PRMT8: variants seen among roughly 807,000 people sequenced by gnomAD.
PRMT8 encodes protein arginine N-methyltransferase 8.
In PRMT8, 7 loss-of-function variants were observed where a neutral mutation model predicts 47.1. The ratio of observed to expected loss-of-function variants is 0.15; its 90% CI spans 0.08 to 0.28. The LOEUF is 0.28. Ranked by LOEUF, PRMT8 falls within the 10% of genes least tolerant of loss-of-function variation. PRMT8 has a pLI of 1.00. For synonymous variants in PRMT8, 188 were observed against 186.5 expected (o/e 1.01, Z -0.07); for missense variants, 237 against 505.4 (o/e 0.47, Z 5.09).
intron 2 of PRMT8, among the ~76,000 whole-genome samples, chr12:3,541,586 G>GA (rs1465750014): frequency 5.3e-5 from 8 of 152,086 alleles, no homozygotes; most frequent in African/African-American, 1.9e-4. Context: ...TACAGCATAA[G>GA]AAAAAATTGA....
upstream of PRMT8, among the ~76,000 whole-genome samples, chr12:3,489,374 C>T (rs368139975): frequency 3.0e-4 from 45 of 151,876 alleles, 1 homozygote; most frequent in African/African-American, 9.7e-4. Context: ...GGCAGAGTGT[C>T]GGACTGAAAG....
At chr12:3,433,221 A>G (rs967909307) in intron 1 of PRMT8, among the ~76,000 whole-genome samples, 2 of 152,232 alleles carry the variant, frequency 1.3e-5, no homozygotes, top group African/African-American at 4.8e-5. Context: ...TTCATGCATT[A>G]GTTAGCCTCC....
In PRMT8 at chr12:3,528,449, G is replaced by T. The variant is rs546555742; in HGVS notation, c.76-12157G>T. ...TCTAATCTGCTATTAACCTCAATCA[G>T]TGTATTTCCTTTTTATTTCACATAG... On this transcript the variant is annotated intron_variant, in intron 1 of 9. Transcript: ENST00000382622. 2.0e-5 allele frequency among the ~76,000 whole-genome samples: 3 copies of T among 152,106 alleles called. No individual in the cohort carries two copies. In the South Asian group the frequency reaches 6.2e-4, roughly 32 times the overall value.
intron 1 of PRMT8, among the ~76,000 whole-genome samples, chr12:3,457,994 C>G (rs1377097885): frequency 6.6e-6 from 1 of 152,084 alleles, no homozygotes; most frequent in African/African-American, 2.4e-5. Context: ...AGGCATGTGC[C>G]ATCATGCCCA....
At position 3,532,611 on chromosome 12, in the gene PRMT8, C is replaced by CAAAAA. The variant is rs35698030; in HGVS notation, c.76-7969_76-7965dup. On this transcript the variant is annotated intron_variant, in intron 1 of 9. Transcript: ENST00000382622. The stretch of plus-strand genomic sequence containing the variant: ...TGGGCGACAGAGTAAGACTCCGTCT[C>CAAAAA]AAAAAAAAAAAAAAAAAAAAAAAAA... Among the ~76,000 whole-genome samples, 19 of 24,658 alleles carry CAAAAA rather than the reference C, an allele frequency of 7.7e-4. 3 individuals carry two copies. The highest frequency in any genetic ancestry group is 1.3e-3 in the African/African-American group (8 of 5,950). The allele number at this position is 24,658 out of a possible 152,430, so 16.2% of individuals were successfully genotyped here.
intron 1 of PRMT8, among the ~76,000 whole-genome samples, chr12:3,506,015 ATAAC>A (rs1252849935): frequency 2.0e-5 from 3 of 152,156 alleles, no homozygotes; most frequent in Middle Eastern, 3.2e-3. Flanking sequence ...AGGACAATAA[ATAAC>A]TAAAACATGT....
chr12:3,528,694 G>T (rs1317391070), intron 1 of PRMT8, among the ~76,000 whole-genome samples: 1 of 151,166 alleles, frequency 6.6e-6, no homozygotes, highest in Non-Finnish European at 1.5e-5. Flanking sequence ...TTGCTTCTTT[G>T]CAAGCCTAGT....
chr12:3,577,994 C>G (rs914635573), intron 7 of PRMT8, among the ~76,000 whole-genome samples: 1 of 152,186 alleles, frequency 6.6e-6, no homozygotes, highest in African/African-American at 2.4e-5. Context: ...TGGGTTGCCT[C>G]TTCCAGTCCT....
At chr12:3,452,316 A>AAC (rs10630697) in intron 1 of PRMT8, among the ~76,000 whole-genome samples, 122,195 of 150,066 alleles carry the variant, frequency 0.81, 50,725 homozygotes, top group East Asian at 0.96. Flanking sequence ...ACCTAAATTA[A>AAC]ACACACACAC....
intron 1 of PRMT8, among the ~76,000 whole-genome samples, chr12:3,459,838 T>A (rs960513059): frequency 6.6e-5 from 10 of 152,268 alleles, no homozygotes; most frequent in Non-Finnish European, 1.5e-4. Context: ...GAGGCATCTT[T>A]AGAGCTGGGG....
At chr12:3,394,318 G>C (rs546092965) in intron 1 of PRMT8, among the ~76,000 whole-genome samples, 123 of 152,268 alleles carry the variant, frequency 8.1e-4, no homozygotes, top group African/African-American at 2.8e-3. Flanking sequence ...TCCAGTTTTT[G>C]CCCACTCAGT....
intron 1 of PRMT8, chr12:3,462,740 G>T (rs527316985): frequency 6.6e-6 from 1 of 151,982 alleles, no homozygotes; most frequent in Admixed American, 6.5e-5. Flanking sequence ...GGAAGTTGAA[G>T]TGCTTGGGAG....
At chr12:3,531,052 G>A (rs1866023721) in intron 1 of PRMT8, among the ~76,000 whole-genome samples, 1 of 152,186 alleles carries the variant, frequency 6.6e-6, no homozygotes, top group African/African-American at 2.4e-5. Flanking sequence ...CGGGTACAGG[G>A]AAAACTCCTC....
At chr12:3,513,072 G>C (rs1006283556) in intron 1 of PRMT8, among the ~76,000 whole-genome samples, 1 of 152,178 alleles carries the variant, frequency 6.6e-6, no homozygotes, top group African/African-American at 2.4e-5. Flanking sequence ...GGGGATCAAA[G>C]GGTTTGAGTG....
intron 1 of PRMT8, among the ~76,000 whole-genome samples, chr12:3,482,844 TAG>T (rs1376447344): frequency 6.6e-6 from 1 of 152,148 alleles, no homozygotes; most frequent in African/African-American, 2.4e-5. Flanking sequence ...CAGCCCATAA[TAG>T]TAGGTTTTAC....
chr12:3,491,884 GTGTGTTGGT>G (rs1865414299), intron 1 of PRMT8, among the ~76,000 whole-genome samples, 184 bp downstream of exon 1: 4 of 89,352 alleles, frequency 4.5e-5, no homozygotes, highest in Non-Finnish European at 4.8e-5. Context: ...GTGTGTGTGT[GTGTGTTGGT>G]GGGGGGTGGG....
chr12:3,578,141 C>T (rs1209406550), intron 7 of PRMT8, among the ~76,000 whole-genome samples: 1 of 152,180 alleles, frequency 6.6e-6, no homozygotes, highest in Non-Finnish European at 1.5e-5. Context: ...GAGACAGAAT[C>T]TCACTCTGTC....
chr12:3,390,686 A>G (rs1864184817), intron 1 of PRMT8, among the ~76,000 whole-genome samples: 4 of 152,230 alleles, frequency 2.6e-5, no homozygotes. Flanking sequence ...TTCTGAGCCC[A>G]CACTCCTAGC....
At chr12:3,420,541 G>C (rs1864530548) in intron 1 of PRMT8, among the ~76,000 whole-genome samples, 1 of 152,158 alleles carries the variant, frequency 6.6e-6, no homozygotes, top group Non-Finnish European at 1.5e-5. Flanking sequence ...GAGAGAGTTA[G>C]GTGTTCATGT....
Sources: gnomAD v4.1 joint callset for allele counts (sites outside exome capture counted in the v4.1 genomes callset) on GRCh38, gnomAD v4.1.1 for gene constraint, MANE v1.5 for transcripts, NCBI Gene and HGNC (gene_info 2026-07-23, HGNC 2026-07-21) for gene names.